Variants in ARL1 observed in about 807,000 individuals in gnomAD.
The protein encoded by ARL1 is ADP-ribosylation factor-like protein 1.
Under a neutral mutation model 30.1 loss-of-function variants are expected in ARL1, and 17 were observed. That is an observed-to-expected ratio of 0.56 (90% CI 0.39 to 0.85). The LOEUF (loss-of-function observed/expected upper bound fraction) is 0.85, where lower values mean the gene tolerates loss of function less well. Ranked by LOEUF, ARL1 falls within the 40% of genes least tolerant of loss-of-function variation. ARL1 has a pLI of 0.00. For synonymous variants in ARL1, 58 were observed against 71.7 expected (o/e 0.81, Z 0.97); for missense variants, 102 against 212.6 (o/e 0.48, Z 3.24).
Position 101,396,431 on chromosome 12 carries a change from G to C in ARL1, c.483C>G (p.Thr161=). ...TTGCCTCATCAAGGCCGGTGCCTTT[G>C]GTTGCTGACGTTTTGAATATCTGCC... ...RKWQIFKTSA[T]KGTGLDEAME... The change falls in exon 5 of 6, where the codon ACC becomes ACG. Residue 161 remains threonine, a synonymous_variant. Transcript: ENST00000261636. The C allele has an allele frequency of 6.2e-7, 1 of 1,613,982 alleles. No individual in the cohort carries two copies. The highest frequency in any genetic ancestry group is 8.5e-7 in the Non-Finnish European group (1 of 1,179,902).
intron 5 of ARL1, 65 bp downstream of exon 5, chr12:101,396,334 C>A (rs758738882): frequency 1.3e-6 from 2 of 1,591,224 alleles, no homozygotes; most frequent in South Asian, 1.1e-5. Context: ...AAAAATTACA[C>A]GTGGACGTGC....
At chr12:101,397,530 G>A (rs982097523) in intron 4 of ARL1, among the ~76,000 whole-genome samples, 6 of 150,464 alleles carry the variant, frequency 4.0e-5, no homozygotes, top group East Asian at 2.0e-4. Context: ...ACAGTGTCTC[G>A]CTCTGTTGCT....
rs965204214 is a variant in ARL1, at chr12:101,396,548, C to G, written c.366G>C (p.Val122=). Residue 122 remains valine, a synonymous_variant, in exon 5 of 6, where the codon GTG becomes GTC. Coordinates refer to ENST00000261636, the MANE Select transcript of ARL1 (RefSeq NM_001177.6). ...EEEELRKAIL[V]VFANKQDMEQ... Reference sequence around the variant, plus strand: ...CCATGTCCTGTTTATTTGCAAACACCACTAAAATGGCTTTTCTCAGCTCTT... The same window carrying G: ...CCATGTCCTGTTTATTTGCAAACACGACTAAAATGGCTTTTCTCAGCTCTT... The G allele has an allele frequency of 6.2e-7, 1 of 1,613,426 alleles. No individual in the cohort carries two copies. The highest frequency in any genetic ancestry group is 1.3e-5 in the African/African-American group (1 of 75,024).
chr12:101,397,815 TAA>T (rs970148827), intron 4 of ARL1, among the ~76,000 whole-genome samples: 30 of 152,148 alleles, frequency 2.0e-4, no homozygotes, highest in African/African-American at 6.8e-4. Flanking sequence ...CCTGTCTCTT[TAA>T]AAACAAATGC....
At position 101,396,476 on chromosome 12, in the gene ARL1, A is replaced by G; in HGVS notation, c.438T>C (p.Pro146=). Residue 146 remains proline (P), a synonymous_variant, in exon 5 of 6, where the codon CCT becomes CCC. Coordinates refer to ENST00000261636, the MANE Select transcript of ARL1 (RefSeq NM_001177.6). ...SSEMANSLGL[P]ALKDRKWQIF... The stretch of plus-strand genomic sequence containing the variant: ...TCTGCCATTTTCGGTCCTTCAAGGC[A>G]GGTAACCCAAGTGAATTTGCCATCT... 6.2e-7 allele frequency: 1 copy of G among 1,614,030 alleles called. No individual in the cohort carries two copies. Among genetic ancestry groups the G allele is most frequent in the Non-Finnish European group, 8.5e-7 (1 of 1,179,904 alleles).
intron 3 of ARL1, among the ~76,000 whole-genome samples, chr12:101,402,303 C>T (rs983489707): frequency 6.6e-6 from 1 of 152,190 alleles, no homozygotes; most frequent in South Asian, 2.1e-4. Context: ...ATTCTCCTGC[C>T]TCAGCCTCCC....
intron 2 of ARL1, among the ~76,000 whole-genome samples, chr12:101,405,059 T>C (rs1281466403): frequency 1.3e-5 from 2 of 152,084 alleles, no homozygotes; most frequent in African/African-American, 2.4e-5. Context: ...TTAGTAGAGA[T>C]GGGGTTTCTC....
At chr12:101,402,683 G>T (rs1871338354) in intron 3 of ARL1, among the ~76,000 whole-genome samples, 182 bp downstream of exon 3, 1 of 152,032 alleles carries the variant, frequency 6.6e-6, no homozygotes, top group South Asian at 2.1e-4. Flanking sequence ...TGGAAAACTG[G>T]GCTTCCTTAA....
chr12:101,398,917 A>G (rs569121882), intron 4 of ARL1, among the ~76,000 whole-genome samples: 1 of 152,366 alleles, frequency 6.6e-6, no homozygotes, highest in East Asian at 1.9e-4. Flanking sequence ...AATCCTGCAC[A>G]ACTCAAAAAT....
chr12:101,407,496 C>T lies in ARL1; in HGVS notation c.4+146G>A, dbSNP rs145467895. Reference sequence around the variant, plus strand: ...CGGATCCACCCCTACAGATGAAGATCCAAAGTGAGTCAAGTCCTCCGCGAC... The same window carrying T: ...CGGATCCACCCCTACAGATGAAGATTCAAAGTGAGTCAAGTCCTCCGCGAC... On this transcript the variant is annotated intron_variant, in intron 1 of 5. Coordinates refer to ENST00000261636, the MANE Select transcript of ARL1 (RefSeq NM_001177.6). 1.4e-3 allele frequency: 1,530 copies of T among 1,059,172 alleles called. 17 individuals are homozygous for T. The African/African-American group carries it at 0.021, about 14-fold the overall frequency. The allele number at this position is 1,059,172 out of a possible 1,614,324, so 65.6% of individuals were successfully genotyped here.
chr12:101,405,742 T>A, intron 2 of ARL1, 102 bp downstream of exon 2: 1 of 1,286,048 alleles, frequency 7.8e-7, no homozygotes, highest in East Asian at 2.6e-5. Context: ...ATAGTGATGA[T>A]ACCTGATCTC....
In ARL1 at chr12:101,395,007, A is replaced by G. The variant is rs866150139; in HGVS notation, c.*633T>C. ...CCTACCTACTTCACAAGCTTCCTCT[A>G]CCGATCAACTAGATCAATATATGTA... On this transcript the variant is annotated 3_prime_UTR_variant, in exon 6 of 6. Transcript: ENST00000261636. The G allele has an allele frequency of 2.6e-5, 4 of 152,194 alleles. No individual in the cohort carries two copies. The highest frequency in any genetic ancestry group is 9.7e-5 in the African/African-American group (4 of 41,422). The allele number at this position is 152,194 out of a possible 1,614,324, so 9.4% of individuals were successfully genotyped here.
In ARL1 at chr12:101,407,760, A is replaced by T. The variant is rs1262284188; in HGVS notation, c.-115T>A. The T allele has an allele frequency of 1.1e-5, 16 of 1,494,898 alleles. No homozygotes were observed. Among genetic ancestry groups the T allele is most frequent in the Non-Finnish European group, 1.4e-5 (15 of 1,082,318 alleles). The allele number at this position is 1,494,898 out of a possible 1,614,324, so 92.6% of individuals were successfully genotyped here. ...GCCAGCAACTTCCACGTCGGACTCC[A>T]GGCGGGGGCGGGAGCGAGGGTCAGC... On this transcript the variant is annotated 5_prime_UTR_variant, in exon 1 of 6. Transcript: ENST00000261636.
chr12:101,396,821 A>AG (rs1259601837), intron 4 of ARL1, among the ~76,000 whole-genome samples: 1 of 152,202 alleles, frequency 6.6e-6, no homozygotes, highest in Admixed American at 6.5e-5. Context: ...CAGATACTTC[A>AG]GAGTTTATTT....
intron 1 of ARL1, among the ~76,000 whole-genome samples, chr12:101,406,641 C>T (rs988134509): frequency 3.3e-5 from 5 of 150,560 alleles, no homozygotes; most frequent in Non-Finnish European, 7.4e-5. Context: ...TACATTAATA[C>T]AAAAAAAAAT....
chr12:101,399,131 T>A (rs1447653919), intron 4 of ARL1, among the ~76,000 whole-genome samples: 2 of 151,682 alleles, frequency 1.3e-5, no homozygotes, highest in Admixed American at 6.6e-5. Context: ...AAAAAAAAAA[T>A]TAACCAAATG....
chr12:101,403,017 G>A, intron 2 of ARL1, 71 bp from the exon 3 acceptor site: 1 of 931,198 alleles, frequency 1.1e-6, no homozygotes, highest in Non-Finnish European at 1.6e-6. Flanking sequence ...CTATCTAATT[G>A]AGTTACAGCA....
chr12:101,401,209 T>C (rs1387962587), intron 3 of ARL1, 36 bp from the exon 4 acceptor site: 3 of 1,452,210 alleles, frequency 2.1e-6, no homozygotes, highest in Non-Finnish European at 2.9e-6. Flanking sequence ...CATATTGTTA[T>C]TGTTTTAAGG....
At position 101,407,755 on chromosome 12, in the gene ARL1, A is replaced by C. The variant is rs1419744052; in HGVS notation, c.-110T>G. On this transcript the variant is annotated 5_prime_UTR_variant, in exon 1 of 6. Transcript: ENST00000261636. ...AGTCAGCCAGCAACTTCCACGTCGG[A>C]CTCCAGGCGGGGGCGGGAGCGAGGG... The C allele has an allele frequency of 8.6e-6, 13 of 1,516,944 alleles. No homozygotes were observed. The highest frequency in any genetic ancestry group is 1.2e-5 in the Non-Finnish European group (13 of 1,102,448). 94.0% of individuals were successfully genotyped at this position (1,516,944 alleles called of 1,614,324 possible). A position where few individuals can be genotyped will look rare whatever the true frequency, so the allele number is the denominator to read the frequency against.
Sources: gnomAD v4.1 joint callset for allele counts (sites outside exome capture counted in the v4.1 genomes callset) on GRCh38, gnomAD v4.1.1 for gene constraint, MANE v1.5 for transcripts, NCBI Gene and HGNC (gene_info 2026-07-23, HGNC 2026-07-21) for gene names.